Variants in DACH2 observed in about 807,000 individuals in gnomAD.
The protein encoded by DACH2 is dachshund family transcription factor 2, also known as dachshund homolog 2.
A neutral mutation model predicts 35.8 loss-of-function variants in DACH2; 17 were observed. That is an observed-to-expected ratio of 0.48 (90% confidence interval 0.33 to 0.71). The LOEUF is 0.71. DACH2 is among the 30% of genes least tolerant of loss of function. The probability of loss-of-function intolerance (pLI) is 0.02; values close to 1 mark genes in which losing one functional copy is unlikely to be tolerated. For synonymous variants in DACH2, 195 were observed against 177.3 expected, an observed-to-expected ratio of 1.10 and a Z score of -0.79; for missense variants, 469 against 472.7, an observed-to-expected ratio of 0.99 and a Z score of 0.07.
chrX:86,182,779 T>G (rs2031540418), intron 1 of DACH2, among the ~76,000 whole-genome samples: 2 of 96,889 alleles, frequency 2.1e-5, no homozygotes, highest in South Asian at 1.1e-3. Context: ...TATGGCCATT[T>G]TCACGATATT....
intron 2 of DACH2, among the ~76,000 whole-genome samples, chrX:86,449,738 C>T (rs5967731): frequency 2.7e-5 from 3 of 110,653 alleles, no homozygotes; most frequent in Non-Finnish European, 5.7e-5. Flanking sequence ...AAGCTGTAAA[C>T]AATATTACTT....
rs145149637 is a variant in DACH2, at chrX:86,216,455, C to G, written c.488+67347C>G. On this transcript the variant is annotated intron_variant, in intron 1 of 11. Transcript: ENST00000373125. Reference sequence around the variant, plus strand: ...GCTCCCACTTATGAGTAAGAACATGCAGTGTTAGGTTTTCTGTCCTTGTGA... The same window carrying G: ...GCTCCCACTTATGAGTAAGAACATGGAGTGTTAGGTTTTCTGTCCTTGTGA... Among the ~76,000 whole-genome samples, 941 of 107,490 alleles carry G rather than the reference C, an allele frequency of 8.8e-3. 12 individuals carry two copies. The highest frequency in any genetic ancestry group is 0.031 in the African/African-American group (913 of 29,346). The allele number at this position is 107,490 out of a possible 115,157, so 93.3% of individuals were successfully genotyped here. A position where few individuals can be genotyped will look rare whatever the true frequency, so the allele number is the denominator to read the frequency against.
intron 1 of DACH2, among the ~76,000 whole-genome samples, chrX:86,310,884 C>T: frequency 9.0e-6 from 1 of 111,216 alleles, no homozygotes; most frequent in Non-Finnish European, 1.9e-5. Context: ...GGACACCACT[C>T]AGCCTCTTTC....
At chrX:86,587,555 T>C (rs2039590158) in intron 3 of DACH2, among the ~76,000 whole-genome samples, 1 of 111,271 alleles carries the variant, frequency 9.0e-6, no homozygotes, top group Non-Finnish European at 1.9e-5. Context: ...GGATTTGTCA[T>C]CGATGGCTCT....
intron 6 of DACH2, among the ~76,000 whole-genome samples, chrX:86,717,478 T>A (rs758954834): frequency 1.8e-5 from 2 of 110,162 alleles, no homozygotes; most frequent in Non-Finnish European, 3.8e-5. Flanking sequence ...TACACATGTA[T>A]GTATATGTAG....
At chrX:86,738,666 A>G (rs999245903) in intron 6 of DACH2, among the ~76,000 whole-genome samples, 3 of 112,111 alleles carry the variant, frequency 2.7e-5, no homozygotes, top group African/African-American at 3.2e-5. Context: ...ATGCATAAAC[A>G]TAGTGAATAG....
rs193198653 is a variant in DACH2 at position 86,716,353 on chromosome X, C to T, written c.1104+1633C>T. 4.5e-5 allele frequency among the ~76,000 whole-genome samples: 5 copies of T among 111,433 alleles called. No individual in the cohort carries two copies. In the East Asian group the frequency reaches 1.4e-3, roughly 32 times the overall value. ...TTCCCATTATTTTGAAACTGGATGG[C>T]TATTAAGAAAATATGACAACACAAA... On this transcript the variant is annotated intron_variant, in intron 6 of 11. Transcript: ENST00000373125.
intron 1 of DACH2, among the ~76,000 whole-genome samples, chrX:86,309,658 C>G (rs185224038): frequency 4.5e-5 from 5 of 112,036 alleles, no homozygotes; most frequent in Non-Finnish European, 9.4e-5. Context: ...GAGGGATAAT[C>G]TACCTCAGTA....
At chrX:86,643,314 A>T (rs1164750525) in intron 3 of DACH2, among the ~76,000 whole-genome samples, 1 of 110,478 alleles carries the variant, frequency 9.1e-6, no homozygotes, top group Non-Finnish European at 1.9e-5. Flanking sequence ...TCAAAACAAC[A>T]ATCAGAAGCT....
At chrX:86,412,550 G>A (rs1016367550) in intron 2 of DACH2, among the ~76,000 whole-genome samples, 13 of 111,725 alleles carry the variant, frequency 1.2e-4, no homozygotes, top group Non-Finnish European at 2.1e-4. Context: ...TGAATTCCAT[G>A]AGCATGAGCC....
At chrX:86,231,402 G>C (rs1214768859) in intron 1 of DACH2, among the ~76,000 whole-genome samples, 1 of 110,533 alleles carries the variant, frequency 9.0e-6, no homozygotes, top group African/African-American at 3.3e-5. Flanking sequence ...AGGTAGGGGC[G>C]GGGCTAGGTG....
At chrX:86,401,269 C>T (rs2036423426) in intron 2 of DACH2, among the ~76,000 whole-genome samples, 1 of 112,208 alleles carries the variant, frequency 8.9e-6, no homozygotes, top group Non-Finnish European at 1.9e-5. Flanking sequence ...TTTCCAGGTG[C>T]CATCTGTCAC....
rs756697752 is a variant in DACH2 at position 86,206,880 on chromosome X, T to G, written c.488+57772T>G. On this transcript the variant is annotated intron_variant, in intron 1 of 11. Coordinates refer to ENST00000373125, the MANE Select transcript of DACH2 (RefSeq NM_053281.3). The stretch of plus-strand genomic sequence containing the variant: ...AATGCACTTTCATAACATGGGATTT[T>G]TGTTCTCATATTTTTGGAGGGAAAG... 2.7e-5 allele frequency among the ~76,000 whole-genome samples: 3 copies of G among 112,127 alleles called. No homozygotes were observed. The East Asian group carries it at 8.5e-4, about 32-fold the overall frequency.
chrX:86,384,176 A>G (rs2036089721), intron 2 of DACH2, among the ~76,000 whole-genome samples: 1 of 110,841 alleles, frequency 9.0e-6, no homozygotes, highest in Non-Finnish European at 1.9e-5. Flanking sequence ...GGGTAGATGT[A>G]ACTAAATGAC....
chrX:86,404,980 G>A (rs1349177444), intron 2 of DACH2, among the ~76,000 whole-genome samples: 1 of 112,393 alleles, frequency 8.9e-6, no homozygotes, highest in Non-Finnish European at 1.9e-5. Flanking sequence ...GCAGCAGCCT[G>A]AGCTCTACGT....
At chrX:86,368,670 C>T (rs1480553583) in intron 1 of DACH2, among the ~76,000 whole-genome samples, 2 of 108,089 alleles carry the variant, frequency 1.9e-5, no homozygotes, top group African/African-American at 6.7e-5. Flanking sequence ...TCAAGCGATC[C>T]TCTCACCTCA....
chrX:86,331,463 AAAAC>A (rs755635542), intron 1 of DACH2, among the ~76,000 whole-genome samples: 95 of 110,576 alleles, frequency 8.6e-4, no homozygotes, highest in East Asian at 7.8e-3. Flanking sequence ...CCTGGAAGAT[AAAAC>A]AAACAAACAA....
intron 2 of DACH2, among the ~76,000 whole-genome samples, chrX:86,411,755 C>T (rs1241396987): frequency 9.0e-6 from 1 of 111,564 alleles, no homozygotes; most frequent in Non-Finnish European, 1.9e-5. Flanking sequence ...TTACAGTCCC[C>T]GTTTCTGCAG....
At chrX:86,324,122 G>A (rs988365880) in intron 1 of DACH2, among the ~76,000 whole-genome samples, 1 of 111,928 alleles carries the variant, frequency 8.9e-6, no homozygotes, top group South Asian at 3.7e-4. Flanking sequence ...GTTAGAAAGG[G>A]ATTTCTGAGC....
Sources: gnomAD v4.1 joint callset for allele counts (sites outside exome capture counted in the v4.1 genomes callset) on GRCh38, gnomAD v4.1.1 for gene constraint, MANE v1.5 for transcripts, NCBI Gene and HGNC (gene_info 2026-07-23, HGNC 2026-07-21) for gene names.